Variants in OVOL3 observed in about 807,000 individuals in gnomAD.
The protein encoded by OVOL3 is ovo like zinc finger 3.
In OVOL3, 15 loss-of-function variants were observed where a neutral mutation model predicts 13.6. The ratio of observed to expected loss-of-function variants is 1.11; its 90% CI spans 0.74 to 1.70. OVOL3 has a LOEUF of 1.70. Ranked by LOEUF, OVOL3 falls within the 40% of genes most tolerant of loss-of-function variation. The pLI, the probability that OVOL3 is intolerant of heterozygous loss-of-function variation, is 0.00. For synonymous variants in OVOL3, 102 were observed against 108.5 expected, an observed-to-expected ratio of 0.94 and a Z score of 0.37; for missense variants, 290 against 280.6, an observed-to-expected ratio of 1.03 and a Z score of -0.24.
At position 36,111,379 on chromosome 19, in the gene OVOL3, C is replaced by T. The variant is rs1973811718; in HGVS notation, c.105C>T (p.Ser35=). Residue 35 remains serine, a synonymous_variant, in exon 2 of 4, where the codon AGC becomes AGT. Transcript: ENST00000633214. ...RGDAYIPDCS[S]LGGPPAQQSS... is the part of the protein sequence containing the mutation. ...GGCTTTTCTCCTCAGACTGCAGCAG[C>T]CTGGGGGGGCCACCGGCACAACAGT... 2 of 1,535,826 alleles carry T rather than the reference C, an allele frequency of 1.3e-6. No individual in the cohort carries two copies. The highest frequency in any genetic ancestry group is 2.7e-5 in the African/African-American group (2 of 73,028).
At chr19:36,112,024 A>C (rs1973833140) in intron 2 of OVOL3, among the ~76,000 whole-genome samples, 1 of 151,992 alleles carries the variant, frequency 6.6e-6, no homozygotes, top group Non-Finnish European at 1.5e-5. Flanking sequence ...AACATGTTGA[A>C]ACCTTGTCTC....
rs535197021 is a variant in OVOL3, at chr19:36,113,364, C to T, written c.365-89C>T. On this transcript the variant is annotated intron_variant, in intron 3 of 3. Coordinates refer to ENST00000633214, the MANE Select transcript of OVOL3 (RefSeq NM_001302757.2). ...GAGCTTGGAATAGGTACCAGAAATG[C>T]TCAACACTGGAAAGCAGGGTGGGGG... 87 of 1,321,502 alleles carry T rather than the reference C, an allele frequency of 6.6e-5. 1 individual carries two copies. The South Asian group carries it at 1.0e-3, about 15-fold the overall frequency. The allele number at this position is 1,321,502 out of a possible 1,614,324, so 81.9% of individuals were successfully genotyped here. A position where few individuals can be genotyped will look rare whatever the true frequency, so the allele number is the denominator to read the frequency against.
At position 36,113,656 on chromosome 19, in the gene OVOL3, G is replaced by A. The variant is rs1472046426; in HGVS notation, c.568G>A (p.Ala190Thr). 7 of 1,548,842 alleles carry A rather than the reference G, an allele frequency of 4.5e-6. No homozygotes were observed. In the South Asian group the frequency reaches 4.8e-5, roughly 11 times the overall value. ...ACAGCACCGCGCCCTGCACCGCGCAGCCTGATACGGTGTGCCAGCGTCCTC... is the reference window on the plus strand; with the variant it reads ...ACAGCACCGCGCCCTGCACCGCGCAACCTGATACGGTGTGCCAGCGTCCTC... ...YAQHRALHRA[A>T] The change falls in exon 4 of 4, where the codon GCC (alanine) becomes ACC (threonine). Residue 190 changes from alanine (A) to threonine (T), a missense_variant. Coordinates refer to ENST00000633214, the MANE Select transcript of OVOL3 (RefSeq NM_001302757.2).
In OVOL3 at chr19:36,112,900, C is replaced by A; in HGVS notation, c.300C>A (p.Cys100Ter). 2 of 1,536,222 alleles carry A rather than the reference C, an allele frequency of 1.3e-6. No homozygotes were observed. Among genetic ancestry groups the A allele is most frequent in the Non-Finnish European group, 1.7e-6 (2 of 1,146,946 alleles). Residue 100 changes from cysteine (C) to a stop codon, truncating the protein, a stop_gained, in exon 3 of 4, where the codon TGC becomes TGA. Coordinates refer to ENST00000633214, the MANE Select transcript of OVOL3 (RefSeq NM_001302757.2). LOFTEE classifies it high-confidence loss of function. Reference protein sequence around the residue: ...KCHSPVRRHLCRCCGKGFHDA... With the variant: ...KCHSPVRRHL Reference sequence around the variant, plus strand: ...ACAGCCCCGTGCGCCGCCACCTGTGCCGCTGTTGTGGCAAGGGCTTTCATG... The same window carrying A: ...ACAGCCCCGTGCGCCGCCACCTGTGACGCTGTTGTGGCAAGGGCTTTCATG...
At chr19:36,111,799 C>A in intron 2 of OVOL3, 1 of 485,788 alleles carries the variant, frequency 2.1e-6, no homozygotes, top group Non-Finnish European at 4.0e-6. Flanking sequence ...AAGCGCCAGC[C>A]GGAATGTAAT....
In OVOL3 at chr19:36,113,447, G is replaced by A; in HGVS notation, c.365-6G>A. 4 of 1,533,530 alleles carry A rather than the reference G, an allele frequency of 2.6e-6. No homozygotes were observed. The highest frequency in any genetic ancestry group is 3.5e-6 in the Non-Finnish European group (4 of 1,144,734). The allele number at this position is 1,533,530 out of a possible 1,614,324, so 95.0% of individuals were successfully genotyped here. Reference sequence around the variant, plus strand: ...CCAGCCCTCCCCTCTGCGCCCATCTGTGCAGGGATCCGGCCCTTCCGCTGC... The same window carrying A: ...CCAGCCCTCCCCTCTGCGCCCATCTATGCAGGGATCCGGCCCTTCCGCTGC... On this transcript the variant is annotated splice_polypyrimidine_tract_variant and splice_region_variant and intron_variant, in intron 3 of 3. Transcript: ENST00000633214.
chr19:36,113,104 C>T (rs1218792883), intron 3 of OVOL3, 140 bp downstream of exon 3: 1 of 986,738 alleles, frequency 1.0e-6, no homozygotes, highest in African/African-American at 1.6e-5. Flanking sequence ...TCTCTCGGAC[C>T]CCAGTGGGTG....
intron 2 of OVOL3, among the ~76,000 whole-genome samples, chr19:36,112,363 TAAAAA>T (rs374632900): frequency 1.3e-5 from 2 of 151,796 alleles, no homozygotes; most frequent in African/African-American, 4.8e-5. Flanking sequence ...CTACAAAAAA[TAAAAA>T]AATTAACTGG....
Position 36,113,479 on chromosome 19 carries a change from T to G in OVOL3, c.391T>G (p.Cys131Gly). ...GATCCGGCCCTTCCGCTGCAGTGCT[T>G]GCGGGAAAGCGTTTACGCAGCGCTG... ...TGIRPFRCSA[C>G]GKAFTQRCSL... The change falls in exon 4 of 4, where the codon TGC becomes GGC. Residue 131 changes from cysteine to glycine, a missense_variant. Transcript: ENST00000633214. The G allele has an allele frequency of 6.5e-7, 1 of 1,535,670 alleles. No homozygotes were observed. The highest frequency in any genetic ancestry group is 8.7e-7 in the Non-Finnish European group (1 of 1,146,504).
At chr19:36,113,253 G>A (rs1308874374) in intron 3 of OVOL3, among the ~76,000 whole-genome samples, 200 bp from the exon 4 acceptor site, 1 of 152,210 alleles carries the variant, frequency 6.6e-6, no homozygotes, top group East Asian at 1.9e-4. Context: ...GCATCCTGGT[G>A]AGGGAGAGTG....
chr19:36,113,562 T>C lies in OVOL3; in HGVS notation c.474T>C (p.Arg158=), dbSNP rs1269632926. The change falls in exon 4 of 4, where the codon CGT becomes CGC. Residue 158 remains arginine, a synonymous_variant. Transcript: ENST00000633214. Reference sequence around the variant, plus strand: ...GACAGCCGGCCAGCTACGCTTACCGTGAGCGCCGCGAGAAGCTGCACGTGT... The same window carrying C: ...GACAGCCGGCCAGCTACGCTTACCGCGAGCGCCGCGAGAAGCTGCACGTGT... ...VHGQPASYAY[R]ERREKLHVCE... The C allele has an allele frequency of 6.5e-7, 1 of 1,537,004 alleles. No homozygotes were observed. The highest frequency in any genetic ancestry group is 2.4e-5 in the East Asian group (1 of 40,908).
At chr19:36,111,539 T>C (rs1973817890) in intron 2 of OVOL3, 106 bp downstream of exon 2, 1 of 1,176,982 alleles carries the variant, frequency 8.5e-7, no homozygotes, top group South Asian at 1.3e-5. Context: ...GCACACGCCC[T>C]CCAGCCTCGG....
At chr19:36,112,532 A>AT (rs1973847867) in intron 2 of OVOL3, among the ~76,000 whole-genome samples, 1 of 151,332 alleles carries the variant, frequency 6.6e-6, no homozygotes, top group Non-Finnish European at 1.5e-5. Flanking sequence ...AAAAAAAAAA[A>AT]TGTGTATGTC....
Position 36,113,522 on chromosome 19 carries a change from T to C in OVOL3, c.434T>C (p.Leu145Pro), listed in dbSNP as rs1431336738. The C allele has an allele frequency of 3.3e-6, 5 of 1,536,130 alleles. No homozygotes were observed. The highest frequency in any genetic ancestry group is 4.4e-6 in the Non-Finnish European group (5 of 1,146,912). Residue 145 changes from leucine to proline, a missense_variant, in exon 4 of 4, where the codon CTT (leucine) becomes CCT (proline). Leu to Pro is a moderately conservative substitution (Grantham distance 98). Coordinates refer to ENST00000633214, the MANE Select transcript of OVOL3 (RefSeq NM_001302757.2). ...FTQRCSLEAH[L>P]AKVHGQPASY... ...CAGCGCTGCTCCCTGGAAGCTCACC[T>C]TGCTAAGGTGCATGGACAGCCGGCC...
chr19:36,112,459 G>A (rs1220371925), intron 2 of OVOL3, among the ~76,000 whole-genome samples: 7 of 152,096 alleles, frequency 4.6e-5, no homozygotes, highest in Admixed American at 3.9e-4. Context: ...GGCGGAGGTT[G>A]CAGTGACCTG....
At chr19:36,112,387 C>T (rs753580868) in intron 2 of OVOL3, among the ~76,000 whole-genome samples, 10 of 151,972 alleles carry the variant, frequency 6.6e-5, no homozygotes, top group Non-Finnish European at 1.0e-4. Flanking sequence ...GGGCATGTGG[C>T]GCATGCCTAC....
chr19:36,112,618 G>T (rs1467151658), intron 2 of OVOL3, 142 bp from the exon 3 acceptor site: 1 of 699,652 alleles, frequency 1.4e-6, no homozygotes, highest in Non-Finnish European at 2.3e-6. Flanking sequence ...AGAGTGACAG[G>T]CACACACACT....
At chr19:36,112,210 C>CA (rs916709584) in intron 2 of OVOL3, among the ~76,000 whole-genome samples, 20 of 150,440 alleles carry the variant, frequency 1.3e-4, no homozygotes, top group Admixed American at 2.7e-4. Context: ...CATCCCCCCT[C>CA]AAAAAAAACA....
chr19:36,111,715 G>C (rs1568378632), intron 2 of OVOL3: 1 of 609,492 alleles, frequency 1.6e-6, no homozygotes, highest in Middle Eastern at 2.5e-4. Flanking sequence ...CTTTATGTCA[G>C]AACATGGGAC....
Sources: gnomAD v4.1 joint callset for allele counts (sites outside exome capture counted in the v4.1 genomes callset) on GRCh38, gnomAD v4.1.1 for gene constraint, MANE v1.5 for transcripts, NCBI Gene and HGNC (gene_info 2026-07-23, HGNC 2026-07-21) for gene names.